The following ZNF778 variants were observed in gnomAD, a reference collection of about 807,000 sequenced individuals.
The protein encoded by ZNF778 is zinc finger protein 778.
Under a neutral mutation model 23.9 loss-of-function variants are expected in ZNF778, and 37 were observed. The observed-to-expected ratio is 1.54, with a 90% CI of 1.19 to 2.03. ZNF778 has a LOEUF of 2.03. Among genes scored for constraint, ZNF778 ranks in the 30% most tolerant of loss-of-function variants. The probability of loss-of-function intolerance (pLI) is 0.00; values close to 1 mark genes in which losing one functional copy is unlikely to be tolerated. For missense variants in ZNF778, 1,297 were observed against 934.4 expected, an observed-to-expected ratio of 1.39 and a Z score of -5.06; for synonymous variants, 483 against 343.9, an observed-to-expected ratio of 1.40 and a Z score of -4.48.
chr16:89,218,897 C>T (rs1362953051), intron 1 of ZNF778, among the ~76,000 whole-genome samples: 1 of 152,176 alleles, frequency 6.6e-6, no homozygotes, highest in Non-Finnish European at 1.5e-5. Flanking sequence ...CATCTGAGGT[C>T]GGGAGTTCAA....
chr16:89,218,802 A>G (rs1597340751), intron 1 of ZNF778, among the ~76,000 whole-genome samples: 2 of 144,140 alleles, frequency 1.4e-5, no homozygotes, highest in Non-Finnish European at 3.0e-5. Flanking sequence ...AAAAATAATA[A>G]TAATAATTAA....
At chr16:89,225,067 G>A (rs922606980) in intron 5 of ZNF778, among the ~76,000 whole-genome samples, 1 of 140,394 alleles carries the variant, frequency 7.1e-6, no homozygotes, top group Non-Finnish European at 1.5e-5. Flanking sequence ...TCCCTTTCTT[G>A]TGATCTCATA....
At chr16:89,218,163 C>A (rs2151626184) in intron 1 of ZNF778, 1 of 152,336 alleles carries the variant, frequency 6.6e-6, no homozygotes, top group Non-Finnish European at 1.5e-5. Context: ...GGCCGTTGTC[C>A]CGCTGGTCTT....
Position 89,234,367 on chromosome 16 carries a change from A to G in ZNF778, c.*5805A>G. The G allele has an allele frequency of 3.5e-6, 1 of 287,704 alleles. No individual in the cohort carries two copies. Among genetic ancestry groups the G allele is most frequent in the South Asian group, 3.4e-5 (1 of 29,720 alleles). The allele number at this position is 287,704 out of a possible 1,614,324, so 17.8% of individuals were successfully genotyped here. On this transcript the variant is annotated 3_prime_UTR_variant, in exon 7 of 7. Coordinates refer to ENST00000433976, the MANE Select transcript of ZNF778 (RefSeq NM_001201407.2). ...TTCTTAGGGAGTGACGTTTTTTCCA[A>G]AGTGGTTGTGAAACAGCATCTCCTT...
At position 89,229,444 on chromosome 16, in the gene ZNF778, A is replaced by G. The variant is rs951077619; in HGVS notation, c.*882A>G. ...TGTAGGCTCTGGTTGGTTAGTCTTG[A>G]GGATGCAGATGTGATTCTGTGTGAG... On this transcript the variant is annotated 3_prime_UTR_variant, in exon 7 of 7. Transcript: ENST00000433976. 2.1e-6 allele frequency: 2 copies of G among 973,716 alleles called. No homozygotes were observed. Among genetic ancestry groups the G allele is most frequent in the African/African-American group, 3.8e-5 (2 of 52,286 alleles). The allele number at this position is 973,716 out of a possible 1,614,324, so 60.3% of individuals were successfully genotyped here.
chr16:89,222,817 G>A (rs2031086759), intron 3 of ZNF778, among the ~76,000 whole-genome samples: 1 of 152,258 alleles, frequency 6.6e-6, no homozygotes, highest in Admixed American at 6.5e-5. Flanking sequence ...CTCAGGAGAG[G>A]GACATAAGGC....
Position 89,228,044 on chromosome 16 carries a change from A to G in ZNF778, c.1756A>G (p.Ile586Val), listed in dbSNP as rs756433028. Residue 586 changes from isoleucine (I) to valine (V), a missense_variant, in exon 7 of 7, where the codon ATA (isoleucine) becomes GTA (valine). Coordinates refer to ENST00000433976, the MANE Select transcript of ZNF778 (RefSeq NM_001201407.2). ...LNKHIQIHTG[I>V]KPYECKDCGK... ...TAAGCACATTCAGATTCACACTGGAATAAAACCTTATGAATGTAAGGACTG... is the reference window on the plus strand; with the variant it reads ...TAAGCACATTCAGATTCACACTGGAGTAAAACCTTATGAATGTAAGGACTG... 1.0e-5 allele frequency: 16 copies of G among 1,589,438 alleles called. No individual in the cohort carries two copies. Among genetic ancestry groups the G allele is most frequent in the Middle Eastern group, 3.3e-4 (2 of 6,016 alleles).
intron 4 of ZNF778, 146 bp downstream of exon 4, chr16:89,223,429 G>T: frequency 8.8e-7 from 1 of 1,130,216 alleles, no homozygotes. Context: ...TGCTAGTGTG[G>T]TCGTTTCCAG....
intron 2 of ZNF778, 53 bp downstream of exon 2, chr16:89,221,205 CAG>C (rs10586525): frequency 0.89 from 1,373,347 of 1,539,424 alleles, 619,473 homozygotes; most frequent in Non-Finnish European, 0.92. Context: ...TCCTGATACA[CAG>C]TGTGTGTATC....
At chr16:89,223,370 C>T (rs190770465) in intron 4 of ZNF778, 87 bp downstream of exon 4, 32 of 1,559,918 alleles carry the variant, frequency 2.1e-5, no homozygotes, top group Middle Eastern at 1.7e-4. Flanking sequence ...ACGGCAAAGC[C>T]GAGTACCACG....
rs1216961851 is a variant in ZNF778 at position 89,224,791 on chromosome 16, C to T, written c.317C>T (p.Ala106Val). Residue 106 changes from alanine to valine, a missense_variant, in exon 5 of 7, where the codon GCA becomes GTA. By Grantham distance (64) the Ala-to-Val change is moderately conservative (BLOSUM62 0). Transcript: ENST00000433976. ...GAGGAGTTGAGGGCAGGGCGGAGAG[C>T]AGTTCTCCAAGGTAAGTGTGAAGAG... ...QEEELRAGRR[A>V]VLQEWRLKTK... 3 of 1,447,316 alleles carry T rather than the reference C, an allele frequency of 2.1e-6. No homozygotes were observed. Among genetic ancestry groups the T allele is most frequent in the Admixed American group, 5.0e-5 (2 of 39,702 alleles). The allele number at this position is 1,447,316 out of a possible 1,614,324, so 89.7% of individuals were successfully genotyped here.
rs1180148954 is a variant in ZNF778, at chr16:89,232,909, A to G, written c.*4347A>G. The G allele has an allele frequency of 4.3e-5, 55 of 1,272,626 alleles. No homozygotes were observed. The highest frequency in any genetic ancestry group is 5.5e-5 in the Non-Finnish European group (54 of 985,834). 78.8% of individuals were successfully genotyped at this position (1,272,626 alleles called of 1,614,324 possible). ...TCAACTCGCACTGCGTATGCAACTCAACTCGCACTGCGTATGCGAATCCAC... is the reference window on the plus strand; with the variant it reads ...TCAACTCGCACTGCGTATGCAACTCGACTCGCACTGCGTATGCGAATCCAC... On this transcript the variant is annotated 3_prime_UTR_variant, in exon 7 of 7. Coordinates refer to ENST00000433976, the MANE Select transcript of ZNF778 (RefSeq NM_001201407.2).
In ZNF778 at chr16:89,228,799, T is replaced by C. The variant is rs147762843; in HGVS notation, c.*237T>C. The C allele has an allele frequency of 2.1e-4, 274 of 1,285,860 alleles. No homozygotes were observed. Among genetic ancestry groups the C allele is most frequent in the Middle Eastern group, 1.5e-3 (5 of 3,370 alleles). 79.7% of individuals were successfully genotyped at this position (1,285,860 alleles called of 1,614,324 possible). On this transcript the variant is annotated 3_prime_UTR_variant, in exon 7 of 7. Coordinates refer to ENST00000433976, the MANE Select transcript of ZNF778 (RefSeq NM_001201407.2). The stretch of plus-strand genomic sequence containing the variant: ...TATCCAGTAGAGAGAACTCTATTGA[T>C]GTGTGATATGCAGCAGCATTGTTGC...
Position 89,228,613 on chromosome 16 carries a change from T to G in ZNF778, c.*51T>G, listed in dbSNP as rs1325776318. The G allele has an allele frequency of 6.6e-7, 1 of 1,525,306 alleles. No homozygotes were observed. Among genetic ancestry groups the G allele is most frequent in the Non-Finnish European group, 8.7e-7 (1 of 1,143,016 alleles). The allele number at this position is 1,525,306 out of a possible 1,614,324, so 94.5% of individuals were successfully genotyped here. A position where few individuals can be genotyped will look rare whatever the true frequency, so the allele number is the denominator to read the frequency against. ...GCTACACTCATTCACGTTGAAGACA[T>G]GAAAGACCTCTCGTTCTCCAGATGT... On this transcript the variant is annotated 3_prime_UTR_variant, in exon 7 of 7. Coordinates refer to ENST00000433976, the MANE Select transcript of ZNF778 (RefSeq NM_001201407.2).
Position 89,221,135 on chromosome 16 carries a change from C to A in ZNF778, c.8C>A (p.Ala3Asp). ...TTCCGTCAGCCTCCCAGGATGGCAGCCCCTGACCTGGCCCACGGTAAGTCC... is the reference window on the plus strand; with the variant it reads ...TTCCGTCAGCCTCCCAGGATGGCAGACCCTGACCTGGCCCACGGTAAGTCC... MA[A>D]PDLAHGGHVS... The change falls in exon 2 of 7, where the codon GCC (alanine) becomes GAC (aspartate). Residue 3 changes from alanine to aspartate, a missense_variant. Transcript: ENST00000433976. 2.6e-6 allele frequency: 4 copies of A among 1,567,534 alleles called. No individual in the cohort carries two copies. The highest frequency in any genetic ancestry group is 3.5e-6 in the Non-Finnish European group (4 of 1,155,836).
intron 1 of ZNF778, among the ~76,000 whole-genome samples, chr16:89,219,731 T>C (rs4785614): frequency 1 from 151,774 of 152,392 alleles, 75,583 homozygotes; most frequent in Middle Eastern, 1. Flanking sequence ...GCACCCTGAA[T>C]GTGCACTGAT....
At chr16:89,219,978 A>C (rs528774791) in intron 1 of ZNF778, among the ~76,000 whole-genome samples, 139 of 152,214 alleles carry the variant, frequency 9.1e-4, no homozygotes, top group Non-Finnish European at 1.7e-3. Context: ...TGTATATTTC[A>C]TATGAAGTTA....
chr16:89,226,613 G>T, intron 6 of ZNF778, 81 bp from the exon 7 acceptor site: 1 of 1,280,090 alleles, frequency 7.8e-7, no homozygotes, highest in East Asian at 2.5e-5. Context: ...AATCATCATC[G>T]TCATGCTCTG....
chr16:89,227,967 C>G lies in ZNF778; in HGVS notation c.1679C>G (p.Pro560Arg). ...GTGAAAACTCACACAGAGGAGAAGC[C>G]CTTTATATGTACGGTATGCAGGAAA... Reference protein sequence around the residue: ...EHVKTHTEEKPFICTVCRKSF... With the variant: ...EHVKTHTEEKRFICTVCRKSF... The change falls in exon 7 of 7, where the codon CCC becomes CGC. Residue 560 changes from proline to arginine, a missense_variant. Pro to Arg is a moderately radical substitution (Grantham distance 103, BLOSUM62 -2). Transcript: ENST00000433976. 1.3e-6 allele frequency: 2 copies of G among 1,590,080 alleles called. No individual in the cohort carries two copies. The highest frequency in any genetic ancestry group is 1.7e-6 in the Non-Finnish European group (2 of 1,165,248).
Sources: allele counts gnomAD v4.1 joint callset (sites outside exome capture counted in the v4.1 genomes callset), GRCh38; gene constraint gnomAD v4.1.1; transcripts MANE v1.5; gene names NCBI Gene and HGNC (gene_info 2026-07-23, HGNC 2026-07-21).